CDH18: variants seen among roughly 807,000 people sequenced by gnomAD.
CDH18 encodes cadherin 18, also known as cadherin-18.
Under a neutral mutation model 67.9 loss-of-function variants are expected in CDH18, and 31 were observed. The ratio of observed to expected loss-of-function variants is 0.46; its 90% CI spans 0.34 to 0.62. The LOEUF (loss-of-function observed/expected upper bound fraction) is 0.62, where lower values mean the gene tolerates loss of function less well. CDH18 is among the 20% of genes least tolerant of loss of function. The pLI is 0.01. For missense variants in CDH18, 890 were observed against 975.5 expected (o/e 0.91, Z 1.17); for synonymous variants, 362 against 347.2 (o/e 1.04, Z -0.48).
chr5:20,191,540 G>A (rs1404914955), intron 2 of CDH18, among the ~76,000 whole-genome samples: 1 of 151,836 alleles, frequency 6.6e-6, no homozygotes, highest in East Asian at 1.9e-4. Context: ...AGGCCCTGGT[G>A]TGTGTTGTTC....
intron 5 of CDH18, among the ~76,000 whole-genome samples, chr5:19,617,528 A>G (rs1482517950): frequency 6.6e-6 from 1 of 152,222 alleles, no homozygotes; most frequent in Non-Finnish European, 1.5e-5. Context: ...CATTTGTTTA[A>G]AAATAAAATG....
At chr5:20,122,610 CTTA>C (rs1289459563) in intron 2 of CDH18, among the ~76,000 whole-genome samples, 1 of 151,674 alleles carries the variant, frequency 6.6e-6, no homozygotes, top group African/African-American at 2.4e-5. Flanking sequence ...AATGCCTCAA[CTTA>C]TTATAAGTTT....
chr5:20,260,636 A>T (rs1221899386), intron 1 of CDH18, among the ~76,000 whole-genome samples: 2 of 152,162 alleles, frequency 1.3e-5, no homozygotes, highest in African/African-American at 4.8e-5. Context: ...TAATCATTTT[A>T]CCTTGAGTGT....
rs556461700 is a variant in CDH18 at position 20,429,579 on chromosome 5, C to T, written c.-580+145883G>A. On this transcript the variant is annotated intron_variant, in intron 1 of 14. Coordinates refer to the CDH18 transcript ENST00000507958. ...TCTTCATTGTTCTTGAAACTGTGTA[C>T]AAATCTCACAAATATGAATGGGGGG... is the stretch of plus-strand genomic sequence containing the variant. 5.3e-5 allele frequency among the ~76,000 whole-genome samples: 8 copies of T among 152,114 alleles called. No homozygotes were observed. The South Asian group carries it at 1.5e-3, about 28-fold the overall frequency.
intron 2 of CDH18, among the ~76,000 whole-genome samples, chr5:19,974,302 C>T (rs929052320): frequency 1.3e-5 from 2 of 151,726 alleles, no homozygotes; most frequent in African/African-American, 2.4e-5. Context: ...GAGGCCGAGG[C>T]GGGCAGATCA....
intron 2 of CDH18, among the ~76,000 whole-genome samples, chr5:20,195,797 T>A (rs1490109757): frequency 2.6e-5 from 4 of 152,124 alleles, no homozygotes; most frequent in Non-Finnish European, 5.9e-5. Flanking sequence ...ACAAAATGCA[T>A]CCTTAGATAT....
At chr5:20,234,144 G>A (rs539538535) in intron 2 of CDH18, among the ~76,000 whole-genome samples, 91 of 152,218 alleles carry the variant, frequency 6.0e-4, no homozygotes, top group African/African-American at 1.9e-3. Flanking sequence ...CAGTGAAGCC[G>A]CTGGATGACC....
chr5:19,630,557 T>C (rs1311414966), intron 5 of CDH18, among the ~76,000 whole-genome samples: 1 of 152,070 alleles, frequency 6.6e-6, no homozygotes, highest in Non-Finnish European at 1.5e-5. Context: ...TACTAGAGTT[T>C]GGAAGTGGCT....
intron 3 of CDH18, among the ~76,000 whole-genome samples, chr5:19,797,767 G>A (rs953588159): frequency 6.6e-5 from 10 of 151,972 alleles, no homozygotes; most frequent in Admixed American, 6.6e-4. Flanking sequence ...AAATCTATAG[G>A]TTGAATGCAA....
At chr5:20,397,497 G>T (rs544282787) in intron 1 of CDH18, among the ~76,000 whole-genome samples, 1 of 152,230 alleles carries the variant, frequency 6.6e-6, no homozygotes, top group East Asian at 1.9e-4. Context: ...CTGTCCAAAA[G>T]ATAATTTTCA....
At chr5:20,515,704 T>C (rs1755326885) in intron 1 of CDH18, among the ~76,000 whole-genome samples, 1 of 151,034 alleles carries the variant, frequency 6.6e-6, no homozygotes, top group Non-Finnish European at 1.5e-5. Flanking sequence ...CACATTTCCT[T>C]TGGAGAACAA....
At chr5:19,797,308 A>G (rs1186216663) in intron 3 of CDH18, among the ~76,000 whole-genome samples, 1 of 151,934 alleles carries the variant, frequency 6.6e-6, no homozygotes, top group African/African-American at 2.4e-5. Context: ...CTCTTATCCA[A>G]CTTAGTAACT....
chr5:19,818,507 G>A (rs1167752195), intron 3 of CDH18, among the ~76,000 whole-genome samples: 1 of 152,110 alleles, frequency 6.6e-6, no homozygotes, highest in Non-Finnish European at 1.5e-5. Context: ...AAATTATAGT[G>A]ACTAATTATT....
At chr5:19,859,452 T>C (rs1455985859) in intron 2 of CDH18, among the ~76,000 whole-genome samples, 1 of 152,062 alleles carries the variant, frequency 6.6e-6, no homozygotes, top group East Asian at 1.9e-4. Context: ...CTGTCTCTTG[T>C]GGGGAAAATT....
chr5:20,562,461 A>T (rs1387652572), intron 1 of CDH18, among the ~76,000 whole-genome samples: 2 of 151,682 alleles, frequency 1.3e-5, no homozygotes, highest in Non-Finnish European at 3.0e-5. Context: ...TAATAATATG[A>T]TATATATAAA....
chr5:19,760,059 G>C (rs527869244), intron 3 of CDH18, among the ~76,000 whole-genome samples: 3 of 152,066 alleles, frequency 2.0e-5, no homozygotes, highest in Admixed American at 1.3e-4. Flanking sequence ...AGCTCTACGC[G>C]AGTCACACTA....
At chr5:20,336,211 T>A (rs1398000391) in intron 1 of CDH18, among the ~76,000 whole-genome samples, 2 of 152,018 alleles carry the variant, frequency 1.3e-5, no homozygotes, top group Non-Finnish European at 2.9e-5. Flanking sequence ...CCCTCTCAGC[T>A]CCAAGCAGCT....
At chr5:20,334,763 C>CACACACAT (rs1739566482) in intron 1 of CDH18, among the ~76,000 whole-genome samples, 1 of 142,374 alleles carries the variant, frequency 7.0e-6, no homozygotes, top group Non-Finnish European at 1.5e-5. Context: ...TACACACACA[C>CACACACAT]ACACACACAC....
At chr5:19,474,610 T>C (rs1237462159) in intron 12 of CDH18, among the ~76,000 whole-genome samples, 18 of 151,892 alleles carry the variant, frequency 1.2e-4, no homozygotes, top group Admixed American at 1.1e-3. Context: ...ATAACCAAGA[T>C]CAAAAGATAA....
Sources: allele counts gnomAD v4.1 joint callset (sites outside exome capture counted in the v4.1 genomes callset), GRCh38; gene constraint gnomAD v4.1.1; transcripts MANE v1.5; gene names NCBI Gene and HGNC (gene_info 2026-07-23, HGNC 2026-07-21).